RFX3: variants seen among roughly 807,000 people sequenced by gnomAD.
RFX3 encodes regulatory factor X3.
In RFX3, 14 loss-of-function variants were observed where a neutral mutation model predicts 98.6. That is an observed-to-expected ratio of 0.14 (90% CI 0.09 to 0.22). The LOEUF (loss-of-function observed/expected upper bound fraction) is 0.22, where lower values mean the gene tolerates loss of function less well. Among genes scored for constraint, RFX3 ranks in the 10% least tolerant of loss-of-function variants. RFX3 has a pLI of 1.00. For synonymous variants in RFX3, 383 were observed against 328.4 expected, an observed-to-expected ratio of 1.17 and a Z score of -1.80; for missense variants, 639 against 926.9, an observed-to-expected ratio of 0.69 and a Z score of 4.03.
chr9:3,493,253 G>A (rs891430354), intron 1 of RFX3, among the ~76,000 whole-genome samples: 2 of 152,048 alleles, frequency 1.3e-5, no homozygotes, highest in African/African-American at 2.4e-5. Context: ...CCCAAGTTCT[G>A]TACCATATGC....
At chr9:3,375,154 T>C (rs1587391204) in intron 2 of RFX3, among the ~76,000 whole-genome samples, 1 of 152,208 alleles carries the variant, frequency 6.6e-6, no homozygotes, top group Non-Finnish European at 1.5e-5. Flanking sequence ...GAAAATCTTA[T>C]GGTCAAATAC....
chr9:3,296,627 A>T (rs1489874246), intron 5 of RFX3, among the ~76,000 whole-genome samples: 1 of 152,100 alleles, frequency 6.6e-6, no homozygotes, highest in African/African-American at 2.4e-5. Context: ...GATGACTATC[A>T]CTTTGACACT....
At chr9:3,317,591 A>C (rs1830773818) in intron 4 of RFX3, among the ~76,000 whole-genome samples, 1 of 152,230 alleles carries the variant, frequency 6.6e-6, no homozygotes, top group Non-Finnish European at 1.5e-5. Flanking sequence ...CAACCTACAG[A>C]ATGGGAGAAA....
chr9:3,472,718 G>T (rs527554521), intron 1 of RFX3, among the ~76,000 whole-genome samples: 1 of 152,294 alleles, frequency 6.6e-6, no homozygotes, highest in East Asian at 1.9e-4. Flanking sequence ...TCAGTGAAAT[G>T]ATTGAGTTAC....
chr9:3,498,942 C>T (rs1211257865), intron 1 of RFX3, among the ~76,000 whole-genome samples: 8 of 152,032 alleles, frequency 5.3e-5, no homozygotes, highest in Non-Finnish European at 1.0e-4. Flanking sequence ...TGGGTCCAAC[C>T]AGTGTGTTTA....
At chr9:3,453,899 C>G (rs1279336539) in intron 1 of RFX3, among the ~76,000 whole-genome samples, 1 of 151,930 alleles carries the variant, frequency 6.6e-6, no homozygotes, top group East Asian at 1.9e-4. Context: ...ATACCCCGGT[C>G]TTTTTGCTTT....
chr9:3,377,520 T>C (rs1292322953), intron 2 of RFX3, among the ~76,000 whole-genome samples: 1 of 152,114 alleles, frequency 6.6e-6, no homozygotes, highest in Non-Finnish European at 1.5e-5. Context: ...CACACCAACA[T>C]GGGACATGTA....
At chr9:3,423,422 C>T (rs191028293) in intron 1 of RFX3, among the ~76,000 whole-genome samples, 47 of 152,202 alleles carry the variant, frequency 3.1e-4, no homozygotes, top group Non-Finnish European at 5.0e-4. Context: ...TAGTATACTC[C>T]TAAAATGAAA....
intron 15 of RFX3, among the ~76,000 whole-genome samples, chr9:3,246,232 C>A (rs7873658): frequency 2.0e-5 from 3 of 151,680 alleles, no homozygotes; most frequent in Non-Finnish European, 2.9e-5. Context: ...TTAGATTTTA[C>A]GTATATATCT....
At chr9:3,344,778 T>C (rs1834263660) in intron 3 of RFX3, 1 of 692,856 alleles carries the variant, frequency 1.4e-6, no homozygotes, top group Non-Finnish European at 2.6e-6. Context: ...CCTGAGAGCA[T>C]AAAGGTCGAA....
At chr9:3,520,836 G>T (rs1818638377) in intron 1 of RFX3, among the ~76,000 whole-genome samples, 2 of 152,032 alleles carry the variant, frequency 1.3e-5, no homozygotes. Flanking sequence ...CGGCAAGGCT[G>T]GCTAATTTTC....
intron 1 of RFX3, among the ~76,000 whole-genome samples, chr9:3,454,514 G>A (rs1461352176): frequency 6.6e-6 from 1 of 152,162 alleles, no homozygotes; most frequent in Admixed American, 6.5e-5. Context: ...AAGCTACTTG[G>A]TTGCCACTAG....
chr9:3,328,471 T>G (rs1477080019), intron 4 of RFX3, among the ~76,000 whole-genome samples: 1 of 152,178 alleles, frequency 6.6e-6, no homozygotes, highest in Non-Finnish European at 1.5e-5. Context: ...AATCCCCTTG[T>G]AATCTACATA....
intron 14 of RFX3, among the ~76,000 whole-genome samples, chr9:3,256,648 C>A (rs746024232): frequency 6.6e-6 from 1 of 152,116 alleles, no homozygotes; most frequent in African/African-American, 2.4e-5. Flanking sequence ...AAGAAAGAAG[C>A]CTAAATAATG....
chr9:3,319,401 G>A (rs1324594783), intron 4 of RFX3, among the ~76,000 whole-genome samples: 2 of 151,916 alleles, frequency 1.3e-5, no homozygotes, highest in Admixed American at 6.6e-5. Flanking sequence ...ACTACTTAAG[G>A]GAATATAAAT....
intron 11 of RFX3, among the ~76,000 whole-genome samples, chr9:3,267,128 G>A (rs944421220): frequency 1.3e-5 from 2 of 151,940 alleles, no homozygotes; most frequent in African/African-American, 4.8e-5. Context: ...CTATATAGTA[G>A]GAGACAGAAT....
intron 5 of RFX3, among the ~76,000 whole-genome samples, chr9:3,294,997 T>C (rs1299534107): frequency 6.6e-6 from 1 of 152,134 alleles, no homozygotes; most frequent in Non-Finnish European, 1.5e-5. Context: ...AAAATAATTC[T>C]TTTGTTATGA....
intron 1 of RFX3, among the ~76,000 whole-genome samples, chr9:3,454,659 G>C (rs1410827962): frequency 6.6e-6 from 1 of 152,142 alleles, no homozygotes. Context: ...ATTCCAACTA[G>C]TTAAGACTAG....
chr9:3,251,363 T>C (rs181756973), intron 14 of RFX3, among the ~76,000 whole-genome samples: 1,805 of 152,158 alleles, frequency 0.012, 16 homozygotes, highest in Non-Finnish European at 0.019. Flanking sequence ...TTTTTTTTTT[T>C]AGAGACAGGG....
Sources: allele counts gnomAD v4.1 joint callset (sites outside exome capture counted in the v4.1 genomes callset), GRCh38; gene constraint gnomAD v4.1.1; transcripts MANE v1.5; gene names NCBI Gene and HGNC (gene_info 2026-07-23, HGNC 2026-07-21).